The following DPF3 variants were observed in gnomAD, a reference collection of about 807,000 sequenced individuals.
The protein encoded by DPF3 is zinc finger protein DPF3.
DPF3 carries 18 observed loss-of-function variants against 56.8 expected under a neutral mutation model. That is an observed-to-expected ratio of 0.32 (90% confidence interval 0.22 to 0.47). DPF3 has a LOEUF of 0.47. DPF3 is among the 20% of genes least tolerant of loss of function. The probability of loss-of-function intolerance (pLI) is 1.00; values close to 1 mark genes in which losing one functional copy is unlikely to be tolerated. For synonymous variants in DPF3, 188 were observed against 180.2 expected, an observed-to-expected ratio of 1.04 and a Z score of -0.35; for missense variants, 403 against 488.8, an observed-to-expected ratio of 0.82 and a Z score of 1.65.
chr14:72,737,326 G>A (rs1567216577), intron 3 of DPF3, among the ~76,000 whole-genome samples: 2 of 152,140 alleles, frequency 1.3e-5, no homozygotes, highest in East Asian at 1.9e-4. Flanking sequence ...ACAAGCTTTT[G>A]ACACAGGTGC....
At chr14:72,850,823 G>C (rs1476857185) in intron 1 of DPF3, among the ~76,000 whole-genome samples, 1 of 152,080 alleles carries the variant, frequency 6.6e-6, no homozygotes, top group Non-Finnish European at 1.5e-5. Flanking sequence ...GTGTGTGTGC[G>C]CACGCGCATG....
At chr14:72,749,154 A>C (rs891928560) in intron 3 of DPF3, among the ~76,000 whole-genome samples, 2 of 152,260 alleles carry the variant, frequency 1.3e-5, no homozygotes, top group Non-Finnish European at 1.5e-5. Flanking sequence ...TATACTCTGC[A>C]AAGCCACAGG....
Position 72,616,468 on chromosome 14 carries a change from G to A in DPF3, c.*2829C>T, listed in dbSNP as rs1157327637. Among the ~76,000 whole-genome samples, 1 of 152,152 alleles carries A rather than the reference G, an allele frequency of 6.6e-6. No individual in the cohort carries two copies. Among genetic ancestry groups the A allele is most frequent in the East Asian group, 1.9e-4 (1 of 5,196 alleles). On this transcript the variant is annotated 3_prime_UTR_variant, in exon 11 of 11. Transcript: ENST00000556509. ...AATATAAACTCCCTTTGGTCACAAGGGAGATTTGAAGAAGACGTCTAACAT... is the reference window on the plus strand; with the variant it reads ...AATATAAACTCCCTTTGGTCACAAGAGAGATTTGAAGAAGACGTCTAACAT...
intron 7 of DPF3, among the ~76,000 whole-genome samples, chr14:72,686,579 G>A (rs894486445): frequency 6.6e-6 from 1 of 152,182 alleles, no homozygotes; most frequent in Non-Finnish European, 1.5e-5. Context: ...GACCTTTGAG[G>A]CCAGAAAATG....
rs73302148 is a variant in DPF3, at chr14:72,773,922, G to A, written c.33-2029C>T. 8.3e-3 allele frequency: 3,773 copies of A among 455,468 alleles called. 110 individuals are homozygous for A. Among genetic ancestry groups the A allele is most frequent in the African/African-American group, 0.069 (3,443 of 50,092 alleles). The allele number at this position is 455,468 out of a possible 1,614,324, so 28.2% of individuals were successfully genotyped here. A position where few individuals can be genotyped will look rare whatever the true frequency, so the allele number is the denominator to read the frequency against. Reference sequence around the variant, plus strand: ...CATTCATCTGTCAGTGGATATCTGGGTTGCTTCCACATTTTAGCTATTCTG... The same window carrying A: ...CATTCATCTGTCAGTGGATATCTGGATTGCTTCCACATTTTAGCTATTCTG... On this transcript the variant is annotated intron_variant, in intron 1 of 10. Coordinates refer to ENST00000556509, the MANE Select transcript of DPF3 (RefSeq NM_001280542.3).
chr14:72,792,244 G>A (rs913843368), intron 1 of DPF3, among the ~76,000 whole-genome samples: 9 of 152,174 alleles, frequency 5.9e-5, no homozygotes, highest in African/African-American at 2.2e-4. Context: ...AGACTCTGAA[G>A]GGGAGGGGAG....
intron 7 of DPF3, among the ~76,000 whole-genome samples, chr14:72,680,231 TCC>T (rs968659645): frequency 6.6e-6 from 1 of 152,208 alleles, no homozygotes; most frequent in Non-Finnish European, 1.5e-5. Context: ...ATATAAATTA[TCC>T]CCCAGGCCTG....
Position 72,784,513 on chromosome 14 carries a change from C to G in DPF3, c.33-12620G>C, listed in dbSNP as rs77996151. Among the ~76,000 whole-genome samples, 1,366 of 152,244 alleles carry G rather than the reference C, an allele frequency of 9.0e-3. 15 individuals carry two copies. Among genetic ancestry groups the G allele is most frequent in the South Asian group, 0.023 (113 of 4,820 alleles). On this transcript the variant is annotated intron_variant, in intron 1 of 10. Transcript: ENST00000556509. ...CTGAATCTAGAATCTGATTTTCCTT[C>G]CCCCACTATACTTATTTTCCCAGGT... is the stretch of plus-strand genomic sequence containing the variant.
At chr14:72,878,799 C>T (rs181849511) in intron 1 of DPF3, among the ~76,000 whole-genome samples, 4 of 152,332 alleles carry the variant, frequency 2.6e-5, no homozygotes, top group African/African-American at 9.6e-5. Context: ...GACCAAGAAA[C>T]AAGAGGCTAG....
At chr14:72,863,061 TA>T (rs1298215410) in intron 1 of DPF3, among the ~76,000 whole-genome samples, 1 of 1,334 alleles carries the variant, frequency 7.5e-4, no homozygotes, top group Non-Finnish European at 1.8e-3. Context: ...ATTCCATTTA[TA>T]TATATATATA....
At chr14:72,672,059 A>ACACACACG (rs1555494742) in intron 8 of DPF3, among the ~76,000 whole-genome samples, 2 of 63,780 alleles carry the variant, frequency 3.1e-5, no homozygotes, top group African/African-American at 9.4e-5. Context: ...ACACACACAC[A>ACACACACG]GACACACACA....
intron 8 of DPF3, chr14:72,661,063 CTT>C: frequency 1.0e-6 from 1 of 985,466 alleles, no homozygotes; most frequent in Non-Finnish European, 1.2e-6. Context: ...TGGAAACAGA[CTT>C]TTTATTTAAC....
intron 8 of DPF3, among the ~76,000 whole-genome samples, chr14:72,666,305 A>G (rs1351822739): frequency 6.6e-6 from 1 of 152,210 alleles, no homozygotes; most frequent in African/African-American, 2.4e-5. Context: ...TCTCAGAAAG[A>G]TTCTAATGTG....
chr14:72,879,297 C>T (rs367730758), intron 1 of DPF3, among the ~76,000 whole-genome samples: 2 of 151,770 alleles, frequency 1.3e-5, no homozygotes, highest in Non-Finnish European at 2.9e-5. Flanking sequence ...ATAGGAGAAT[C>T]GCTTGAACCC....
Position 72,618,423 on chromosome 14 carries a change from G to C in DPF3, c.*874C>G, listed in dbSNP as rs923773461. 2.6e-5 allele frequency among the ~76,000 whole-genome samples: 4 copies of C among 152,178 alleles called. 1 individual carries two copies. In the South Asian group the frequency reaches 8.3e-4, roughly 32 times the overall value. ...AGTCCCACCAGGAGAAGCTGAACCA[G>C]GTCTCCAGAACCAGGTGGGCTGAGA... On this transcript the variant is annotated 3_prime_UTR_variant, in exon 11 of 11. Coordinates refer to ENST00000556509, the MANE Select transcript of DPF3 (RefSeq NM_001280542.3).
intron 1 of DPF3, among the ~76,000 whole-genome samples, chr14:72,827,613 AC>A (rs1204742144): frequency 6.8e-6 from 1 of 146,104 alleles, no homozygotes; most frequent in Non-Finnish European, 1.5e-5. Flanking sequence ...AGTAGCTGGG[AC>A]TACAGGTGCC....
intron 1 of DPF3, among the ~76,000 whole-genome samples, chr14:72,848,586 G>A (rs945372005): frequency 6.6e-6 from 1 of 152,164 alleles, no homozygotes. Context: ...CCCTTTCTTA[G>A]GGCTTGGAAC....
chr14:72,696,954 G>T (rs868384597), intron 6 of DPF3, among the ~76,000 whole-genome samples: 1 of 152,234 alleles, frequency 6.6e-6, no homozygotes, highest in South Asian at 2.1e-4. Context: ...TAGAAGGCTG[G>T]ATCTATTTAG....
chr14:72,763,449 A>G (rs1486062407), intron 2 of DPF3, among the ~76,000 whole-genome samples: 4 of 152,144 alleles, frequency 2.6e-5, no homozygotes, highest in Non-Finnish European at 5.9e-5. Flanking sequence ...AAACACACAT[A>G]TATGTGGACA....
Sources: allele counts gnomAD v4.1 joint callset (sites outside exome capture counted in the v4.1 genomes callset), GRCh38; gene constraint gnomAD v4.1.1; transcripts MANE v1.5; gene names NCBI Gene and HGNC (gene_info 2026-07-23, HGNC 2026-07-21).